CNBD1: variants seen among roughly 807,000 people sequenced by gnomAD.
CNBD1 encodes cyclic nucleotide binding domain containing 1.
Under a neutral mutation model 54.4 loss-of-function variants are expected in CNBD1, and 71 were observed. The ratio of observed to expected loss-of-function variants is 1.30; its 90% CI spans 1.08 to 1.59. The LOEUF is 1.59. Among genes scored for constraint, CNBD1 ranks in the 40% most tolerant of loss-of-function variants. CNBD1 has a pLI of 0.00. For synonymous variants in CNBD1, 182 were observed against 170.7 expected, an observed-to-expected ratio of 1.07 and a Z score of -0.51; for missense variants, 659 against 518.0, an observed-to-expected ratio of 1.27 and a Z score of -2.64.
At chr8:87,136,475 A>C (rs914593110) in intron 4 of CNBD1, among the ~76,000 whole-genome samples, 6 of 139,498 alleles carry the variant, frequency 4.3e-5, no homozygotes, top group Admixed American at 8.2e-5. Context: ...CAAGAAGCAT[A>C]CATTTTGCTT....
At chr8:87,054,727 C>T (rs1025125449) in intron 4 of CNBD1, among the ~76,000 whole-genome samples, 7 of 152,196 alleles carry the variant, frequency 4.6e-5, no homozygotes, top group Admixed American at 6.5e-5. Context: ...CAGGTTACAC[C>T]GAAGTGTAGC....
chr8:87,122,186 A>G (rs1811904157), intron 4 of CNBD1, among the ~76,000 whole-genome samples: 1 of 151,836 alleles, frequency 6.6e-6, no homozygotes, highest in Non-Finnish European at 1.5e-5. Flanking sequence ...TCCCACCAAC[A>G]GTGTTCAAGA....
chr8:87,339,260 A>C (rs1251239127), intron 8 of CNBD1, among the ~76,000 whole-genome samples: 2 of 152,188 alleles, frequency 1.3e-5, no homozygotes, highest in African/African-American at 4.8e-5. Flanking sequence ...AGGATGTAAA[A>C]ACTCATAAAA....
intron 4 of CNBD1, among the ~76,000 whole-genome samples, chr8:87,186,744 A>G (rs1010112029): frequency 2.0e-5 from 3 of 152,012 alleles, no homozygotes; most frequent in Non-Finnish European, 4.4e-5. Flanking sequence ...TTTTAAATTT[A>G]TTATTGAAAT....
chr8:87,403,320 A>G (rs1807599733), intron 2 of CNBD1, among the ~76,000 whole-genome samples: 1 of 152,002 alleles, frequency 6.6e-6, no homozygotes, highest in South Asian at 2.1e-4. Flanking sequence ...CACTATAGGG[A>G]ATGGCAAGAG....
Position 87,313,464 on chromosome 8 carries a change from A to C in CNBD1, c.1042+26793A>C, listed in dbSNP as rs117126114. Among the ~76,000 whole-genome samples the C allele has an allele frequency of 8.7e-3, 1,318 of 152,146 alleles. 13 individuals are homozygous for C. The highest frequency in any genetic ancestry group is 0.017 in the Middle Eastern group (5 of 294). ...ATTCATGCCATTTCTCAAATATTTA[A>C]GACAGTTTCAAAGAGAAGAACTATA... is the stretch of plus-strand genomic sequence containing the variant. On this transcript the variant is annotated intron_variant, in intron 8 of 10. Coordinates refer to ENST00000518476, the MANE Select transcript of CNBD1 (RefSeq NM_173538.3).
chr8:87,033,912 G>C (rs955375333), intron 4 of CNBD1, among the ~76,000 whole-genome samples: 1 of 151,624 alleles, frequency 6.6e-6, no homozygotes, highest in Non-Finnish European at 1.5e-5. Flanking sequence ...TTTGCTTTAG[G>C]TTGTCACATA....
chr8:87,177,164 G>C (rs900271085), intron 4 of CNBD1, among the ~76,000 whole-genome samples: 1 of 152,092 alleles, frequency 6.6e-6, no homozygotes, highest in Non-Finnish European at 1.5e-5. Flanking sequence ...TATTTTTATT[G>C]TTTTATGTAT....
At position 87,205,980 on chromosome 8, in the gene CNBD1, T is replaced by C. The variant is rs1195181095; in HGVS notation, c.432-13T>C. 1.4e-6 allele frequency: 2 copies of C among 1,463,832 alleles called. No homozygotes were observed. Among genetic ancestry groups the C allele is most frequent in the Non-Finnish European group, 1.8e-6 (2 of 1,111,264 alleles). 90.7% of individuals were successfully genotyped at this position (1,463,832 alleles called of 1,614,324 possible). A position where few individuals can be genotyped will look rare whatever the true frequency, so the allele number is the denominator to read the frequency against. Reference sequence around the variant, plus strand: ...CCATGGTCTCTGAATTTGTATTTTTTTTTTTTTTTGAGGCCCATTCACAGG... The same window carrying C: ...CCATGGTCTCTGAATTTGTATTTTTCTTTTTTTTTGAGGCCCATTCACAGG... On this transcript the variant is annotated splice_polypyrimidine_tract_variant and intron_variant, in intron 4 of 10. Coordinates refer to ENST00000518476, the MANE Select transcript of CNBD1 (RefSeq NM_173538.3).
intron 4 of CNBD1, among the ~76,000 whole-genome samples, chr8:87,079,247 C>T (rs991089563): frequency 6.6e-6 from 1 of 151,486 alleles, no homozygotes; most frequent in South Asian, 2.1e-4. Flanking sequence ...TTTTTTCATT[C>T]ATTGTGCATT....
chr8:86,944,471 C>A (rs1265926933), intron 4 of CNBD1, among the ~76,000 whole-genome samples: 1 of 152,052 alleles, frequency 6.6e-6, no homozygotes, highest in African/African-American at 2.4e-5. Flanking sequence ...TCAGAGAAGT[C>A]AGATTTTATG....
chr8:87,323,418 T>A (rs1809588821), intron 8 of CNBD1, among the ~76,000 whole-genome samples: 1 of 139,384 alleles, frequency 7.2e-6, no homozygotes, highest in African/African-American at 2.7e-5. Flanking sequence ...TTCACGATAT[T>A]GATTCTTCCT....
At chr8:87,329,343 C>T (rs956628124) in intron 8 of CNBD1, among the ~76,000 whole-genome samples, 1 of 152,056 alleles carries the variant, frequency 6.6e-6, no homozygotes, top group East Asian at 1.9e-4. Context: ...CTGTGTCAGT[C>T]TTTCAACTTT....
rs34876897 is a variant in CNBD1, at chr8:87,367,550, G to T, written c.1303+13764G>T. ...CCACATCTATTAAAAAAATTGGTAC[G>T]TTGTTATGAGATGTACTGCCTTGGA... On this transcript the variant is annotated intron_variant, in intron 10 of 10. Transcript: ENST00000518476. Among the ~76,000 whole-genome samples the T allele has an allele frequency of 5.5e-3, 838 of 152,100 alleles. 7 individuals are homozygous for T. Among genetic ancestry groups the T allele is most frequent in the Non-Finnish European group, 9.4e-3 (639 of 67,968 alleles).
chr8:87,421,311 A>C (rs192841159), intron 2 of CNBD1, among the ~76,000 whole-genome samples: 1 of 151,346 alleles, frequency 6.6e-6, no homozygotes, highest in Non-Finnish European at 1.5e-5. Flanking sequence ...TTTAGGGTAC[A>C]TGTGCACATT....
chr8:86,980,180 T>A (rs1000104761), intron 4 of CNBD1, among the ~76,000 whole-genome samples: 1 of 152,180 alleles, frequency 6.6e-6, no homozygotes, highest in Non-Finnish European at 1.5e-5. Context: ...CAGTGTACCA[T>A]AATTCTTTTT....
At chr8:87,296,618 C>T (rs200325417) in intron 8 of CNBD1, among the ~76,000 whole-genome samples, 741 of 23,886 alleles carry the variant, frequency 0.031, 8 homozygotes, top group Non-Finnish European at 0.082. Flanking sequence ...TATATATATA[C>T]ACATATATAT....
chr8:87,208,087 C>T (rs778717429), intron 5 of CNBD1, among the ~76,000 whole-genome samples: 9 of 152,050 alleles, frequency 5.9e-5, no homozygotes, highest in Non-Finnish European at 8.8e-5. Flanking sequence ...TAAACTATTC[C>T]TTCTAGTAGC....
intron 10 of CNBD1, among the ~76,000 whole-genome samples, chr8:87,354,299 A>G (rs1482041372): frequency 6.6e-6 from 1 of 152,118 alleles, no homozygotes; most frequent in Admixed American, 6.6e-5. Context: ...TTGCAGCATA[A>G]ACTATAAAGA....
Sources: allele counts gnomAD v4.1 joint callset (sites outside exome capture counted in the v4.1 genomes callset), GRCh38; gene constraint gnomAD v4.1.1; transcripts MANE v1.5; gene names NCBI Gene and HGNC (gene_info 2026-07-23, HGNC 2026-07-21).